The following F13A1 variants were observed in gnomAD, a reference collection of about 807,000 sequenced individuals.
F13A1 encodes the protein FSF, A subunit.
Under a neutral mutation model 80.1 loss-of-function variants are expected in F13A1, and 47 were observed. The observed-to-expected ratio is 0.59, with a 90% CI of 0.46 to 0.75. F13A1 has a LOEUF of 0.75. Ranked by LOEUF, F13A1 falls within the 30% of genes least tolerant of loss-of-function variation. F13A1 has a pLI of 0.00. For synonymous variants in F13A1, 349 were observed against 344.9 expected, an observed-to-expected ratio of 1.01 and a Z score of -0.13; for missense variants, 817 against 930.4, an observed-to-expected ratio of 0.88 and a Z score of 1.59.
chr6:6,258,515 A>G (rs561716668), intron 4 of F13A1, among the ~76,000 whole-genome samples: 2 of 152,194 alleles, frequency 1.3e-5, no homozygotes, highest in Non-Finnish European at 2.9e-5. Flanking sequence ...GTGTCTCTGC[A>G]TTAGACACTT....
chr6:6,239,752 C>T (rs924748483), intron 6 of F13A1, among the ~76,000 whole-genome samples: 6 of 152,068 alleles, frequency 3.9e-5, no homozygotes, highest in Non-Finnish European at 8.8e-5. Context: ...CCAAGTGTGG[C>T]CTGCTGTTTT....
intron 3 of F13A1, among the ~76,000 whole-genome samples, chr6:6,272,103 C>A (rs1372233627): frequency 6.6e-6 from 1 of 152,190 alleles, no homozygotes; most frequent in Non-Finnish European, 1.5e-5. Context: ...TCCTCTCAAC[C>A]TTTCAATGCA....
At chr6:6,294,415 G>T (rs1758283761) in intron 3 of F13A1, among the ~76,000 whole-genome samples, 1 of 152,086 alleles carries the variant, frequency 6.6e-6, no homozygotes, top group South Asian at 2.1e-4. Context: ...TTGGGACTTG[G>T]ACTGGCTCTC....
chr6:6,287,194 C>T (rs1758150460), intron 3 of F13A1, among the ~76,000 whole-genome samples: 1 of 152,170 alleles, frequency 6.6e-6, no homozygotes. Context: ...AGCAAGTTAT[C>T]GCAGTGGGCA....
At chr6:6,163,251 CAT>C (rs1760604235) in intron 13 of F13A1, among the ~76,000 whole-genome samples, 1 of 152,208 alleles carries the variant, frequency 6.6e-6, no homozygotes, top group Non-Finnish European at 1.5e-5. Context: ...TTTAGAGAAA[CAT>C]ATCCTATGTA....
At chr6:6,248,787 G>A (rs1757590145) in intron 5 of F13A1, among the ~76,000 whole-genome samples, 1 of 152,210 alleles carries the variant, frequency 6.6e-6, no homozygotes, top group South Asian at 2.1e-4. Context: ...ACCAAAGTCA[G>A]GCCAGAGTCT....
At chr6:6,220,570 T>C (rs1757178272) in intron 8 of F13A1, among the ~76,000 whole-genome samples, 1 of 149,478 alleles carries the variant, frequency 6.7e-6, no homozygotes, top group African/African-American at 2.5e-5. Flanking sequence ...TGTCTGTCTG[T>C]GTGTGTGTGT....
intron 3 of F13A1, among the ~76,000 whole-genome samples, chr6:6,280,754 C>A (rs1394769624): frequency 6.6e-6 from 1 of 152,194 alleles, no homozygotes; most frequent in African/African-American, 2.4e-5. Flanking sequence ...TCTCTCATTT[C>A]CTCTGGTCAT....
chr6:6,284,899 C>T (rs990178474), intron 3 of F13A1, among the ~76,000 whole-genome samples: 3 of 152,170 alleles, frequency 2.0e-5, no homozygotes, highest in Non-Finnish European at 2.9e-5. Flanking sequence ...AGAGTCACTT[C>T]GGCCAGTCGT....
At chr6:6,217,601 C>T (rs1003530410) in intron 8 of F13A1, among the ~76,000 whole-genome samples, 87 of 151,856 alleles carry the variant, frequency 5.7e-4, no homozygotes, top group Middle Eastern at 3.4e-3. Flanking sequence ...GTGGGTGCAG[C>T]GCACCAGCAT....
In F13A1 at chr6:6,250,960, A is replaced by C; in HGVS notation, c.572-31T>G. ...TCAGGGTTTAAACATAGTGACTATT[A>C]CCAAACCAGACTGTTTCCAAACACT... is the stretch of plus-strand genomic sequence containing the variant. On this transcript the variant is annotated intron_variant, in intron 4 of 14. Coordinates refer to ENST00000264870, the MANE Select transcript of F13A1 (RefSeq NM_000129.4). The surrounding 1 kb of genome is among the most constrained non-coding windows in gnomAD (Gnocchi z 4.2). 1 of 1,425,266 alleles carries C rather than the reference A, an allele frequency of 7.0e-7. No homozygotes were observed. Among genetic ancestry groups the C allele is most frequent in the African/African-American group, 1.4e-5 (1 of 71,460 alleles). 88.3% of individuals were successfully genotyped at this position (1,425,266 alleles called of 1,614,324 possible).
chr6:6,154,373 A>G (rs1760438006), intron 13 of F13A1, among the ~76,000 whole-genome samples: 1 of 152,204 alleles, frequency 6.6e-6, no homozygotes, highest in Admixed American at 6.5e-5. Flanking sequence ...TGGCAAAAAC[A>G]GTAATCATGA....
chr6:6,272,897 T>C (rs1757941650), intron 3 of F13A1, among the ~76,000 whole-genome samples: 1 of 152,220 alleles, frequency 6.6e-6, no homozygotes, highest in Non-Finnish European at 1.5e-5. Flanking sequence ...TTTGTCATGC[T>C]GTCATCCTAC....
intron 10 of F13A1, among the ~76,000 whole-genome samples, chr6:6,190,929 C>T (rs373039675): frequency 1.9e-4 from 29 of 151,928 alleles, no homozygotes; most frequent in East Asian, 7.7e-4. Flanking sequence ...TCTCGTGGTG[C>T]GCCGTTTTTT....
At chr6:6,310,989 A>G (rs116056957) in intron 2 of F13A1, among the ~76,000 whole-genome samples, 1,826 of 152,102 alleles carry the variant, frequency 0.012, 18 homozygotes, top group Middle Eastern at 0.021. Flanking sequence ...TTGAATTTCC[A>G]CAGGTAAATA....
At chr6:6,172,010 A>G (rs1039232896) in intron 12 of F13A1, among the ~76,000 whole-genome samples, 11 of 152,186 alleles carry the variant, frequency 7.2e-5, no homozygotes, top group Admixed American at 6.5e-4. Context: ...TATTACCCAT[A>G]TAACTATACT....
intron 8 of F13A1, among the ~76,000 whole-genome samples, chr6:6,198,703 T>G (rs952562553): frequency 2.6e-5 from 4 of 152,222 alleles, no homozygotes; most frequent in Admixed American, 1.3e-4. Flanking sequence ...GTAAACCAAT[T>G]ATCAAAACTG....
intron 3 of F13A1, among the ~76,000 whole-genome samples, chr6:6,299,931 T>C (rs1758394872): frequency 6.8e-6 from 1 of 147,504 alleles, no homozygotes; most frequent in Non-Finnish European, 1.5e-5. Context: ...GTTTTTGGTG[T>C]GGATGTCCTT....
intron 13 of F13A1, among the ~76,000 whole-genome samples, chr6:6,161,304 C>T (rs572629446): frequency 6.6e-6 from 1 of 152,142 alleles, no homozygotes. Context: ...GGCCCACATG[C>T]TGCCCTAAGC....
Sources: allele counts gnomAD v4.1 joint callset (sites outside exome capture counted in the v4.1 genomes callset), GRCh38; gene constraint gnomAD v4.1.1; non-coding constraint Gnocchi (gnomAD v3.1); transcripts MANE v1.5; gene names NCBI Gene and HGNC (gene_info 2026-07-23, HGNC 2026-07-21).